Variants in THRB observed in about 807,000 individuals in gnomAD.
The protein encoded by THRB is nuclear receptor subfamily 1 group A member 2.
In THRB, 12 loss-of-function variants were observed where a neutral mutation model predicts 47.8. That is an observed-to-expected ratio of 0.25 (90% CI 0.16 to 0.41). The LOEUF (loss-of-function observed/expected upper bound fraction) is 0.41, where lower values mean the gene tolerates loss of function less well. THRB is among the 10% of genes least tolerant of loss of function. The probability of loss-of-function intolerance (pLI) is 1.00; values close to 1 mark genes in which losing one functional copy is unlikely to be tolerated. For missense variants in THRB, 348 were observed against 589.2 expected, an observed-to-expected ratio of 0.59 and a Z score of 4.24; for synonymous variants, 218 against 212.2, an observed-to-expected ratio of 1.03 and a Z score of -0.24.
intron 1 of THRB, among the ~76,000 whole-genome samples, chr3:24,354,319 C>T (rs2063537564): frequency 6.6e-6 from 1 of 152,016 alleles, no homozygotes. Context: ...AACAAACCCC[C>T]ATCACACAAA....
At chr3:24,370,728 T>C (rs1237763933) in intron 1 of THRB, among the ~76,000 whole-genome samples, 1 of 152,084 alleles carries the variant, frequency 6.6e-6, no homozygotes, top group African/African-American at 2.4e-5. Context: ...ACTACTCACT[T>C]ATCAATGCTG....
At chr3:24,135,425 G>T (rs552596728) in intron 8 of THRB, among the ~76,000 whole-genome samples, 1 of 151,958 alleles carries the variant, frequency 6.6e-6, no homozygotes, top group East Asian at 1.9e-4. Flanking sequence ...TTATTTTTTT[G>T]TGTGTGTTGC....
chr3:24,356,483 C>G (rs143985793), intron 1 of THRB, among the ~76,000 whole-genome samples: 93 of 152,268 alleles, frequency 6.1e-4, no homozygotes, highest in African/African-American at 2.2e-3. Flanking sequence ...AGAAATCCAA[C>G]AGGCTTCTTT....
At chr3:24,469,877 T>C (rs929082471) in intron 1 of THRB, among the ~76,000 whole-genome samples, 4 of 152,202 alleles carry the variant, frequency 2.6e-5, no homozygotes, top group African/African-American at 9.6e-5. Context: ...AAGTTTCAAG[T>C]GAGCAAAGGG....
intron 5 of THRB, among the ~76,000 whole-genome samples, chr3:24,154,220 G>T (rs1337932432): frequency 6.6e-6 from 1 of 152,144 alleles, no homozygotes; most frequent in African/African-American, 2.4e-5. Context: ...CACTGCAAGG[G>T]TTTCAAAACT....
At chr3:24,413,895 C>G (rs13082654) in intron 1 of THRB, among the ~76,000 whole-genome samples, 1 of 151,804 alleles carries the variant, frequency 6.6e-6, no homozygotes, top group Non-Finnish European at 1.5e-5. Context: ...AACCATCATT[C>G]TGAGCAAACT....
At chr3:24,444,323 G>T (rs2071851171) in intron 1 of THRB, among the ~76,000 whole-genome samples, 1 of 151,976 alleles carries the variant, frequency 6.6e-6, no homozygotes, top group African/African-American at 2.4e-5. Flanking sequence ...TTAACAAACA[G>T]AATCAAAAGA....
intron 4 of THRB, among the ~76,000 whole-genome samples, chr3:24,196,709 T>C (rs571955807): frequency 1.5e-4 from 23 of 152,358 alleles, no homozygotes; most frequent in Non-Finnish European, 2.2e-4. Flanking sequence ...CTGGAAAGCA[T>C]TGGGCCATGG....
At chr3:24,165,008 T>G in intron 5 of THRB, 1 of 719,562 alleles carries the variant, frequency 1.4e-6, no homozygotes, top group Non-Finnish European at 2.5e-6. Context: ...TGAACAAATT[T>G]AAGCAAAATG....
At chr3:24,392,199 G>A (rs970269015) in intron 1 of THRB, among the ~76,000 whole-genome samples, 2 of 152,092 alleles carry the variant, frequency 1.3e-5, no homozygotes, top group African/African-American at 4.8e-5. Context: ...TTTACTGAGG[G>A]TTTGGCTATT....
intron 4 of THRB, among the ~76,000 whole-genome samples, chr3:24,201,504 C>A (rs2044593793): frequency 6.6e-6 from 1 of 152,158 alleles, no homozygotes. Context: ...CCATGTGACT[C>A]ACATGCACAT....
At position 24,357,359 on chromosome 3, in the gene THRB, A is replaced by C. The variant is rs1402551437; in HGVS notation, c.-260-19988T>G. Among the ~76,000 whole-genome samples, 289 of 147,374 alleles carry C rather than the reference A, an allele frequency of 2.0e-3. 2 individuals carry two copies. Among genetic ancestry groups the C allele is most frequent in the African/African-American group, 6.9e-3 (277 of 40,182 alleles). On this transcript the variant is annotated intron_variant, in intron 1 of 10. Transcript: ENST00000646209. ...CCTTGTCTCTCCCAAAAAAAAAAAA[A>C]AAAAAAAAAAAAAAACAAAAAACAA...
intron 10 of THRB, among the ~76,000 whole-genome samples, chr3:24,125,989 C>T (rs2032708172): frequency 6.6e-6 from 1 of 152,132 alleles, no homozygotes; most frequent in South Asian, 2.1e-4. Context: ...GCTATTCTAT[C>T]TGCTTACCCT....
intron 2 of THRB, among the ~76,000 whole-genome samples, chr3:24,330,089 A>G (rs2061821957): frequency 6.6e-6 from 1 of 151,996 alleles, no homozygotes; most frequent in Admixed American, 6.5e-5. Context: ...GTGGATCATG[A>G]GGTCAGGAGA....
intron 1 of THRB, among the ~76,000 whole-genome samples, chr3:24,367,289 G>A (rs1190444006): frequency 1.1e-4 from 17 of 152,152 alleles, no homozygotes; most frequent in East Asian, 9.7e-4. Context: ...CAGACTGGTG[G>A]TTAAACATTC....
intron 1 of THRB, among the ~76,000 whole-genome samples, chr3:24,367,542 C>T (rs1380433047): frequency 2.6e-5 from 4 of 152,168 alleles, no homozygotes; most frequent in Admixed American, 6.5e-5. Flanking sequence ...TCAGTTTGAC[C>T]AGGTTCAAGT....
intron 1 of THRB, among the ~76,000 whole-genome samples, chr3:24,477,033 C>A (rs1695570872): frequency 7.1e-6 from 1 of 141,098 alleles, no homozygotes; most frequent in African/African-American, 2.9e-5. Flanking sequence ...TTTACTGTAA[C>A]CCCAGTCAGA....
At chr3:24,172,082 C>T (rs1282657352) in intron 5 of THRB, among the ~76,000 whole-genome samples, 1 of 152,190 alleles carries the variant, frequency 6.6e-6, no homozygotes, top group Non-Finnish European at 1.5e-5. Context: ...TGTATAACAG[C>T]ATTTCCTAAA....
At chr3:24,293,890 CAG>C (rs2056196684) in intron 3 of THRB, among the ~76,000 whole-genome samples, 1 of 152,282 alleles carries the variant, frequency 6.6e-6, no homozygotes, top group Non-Finnish European at 1.5e-5. Context: ...TGTTTTCCTT[CAG>C]AGTCTGAAAA....
Sources: allele counts gnomAD v4.1 joint callset (sites outside exome capture counted in the v4.1 genomes callset), GRCh38; gene constraint gnomAD v4.1.1; transcripts MANE v1.5; gene names NCBI Gene and HGNC (gene_info 2026-07-23, HGNC 2026-07-21).